The following SMIM31 variants were observed in gnomAD, a reference collection of about 807,000 sequenced individuals.
The protein encoded by SMIM31 is small integral membrane protein 31.
intron 2 of SMIM31, among the ~76,000 whole-genome samples, chr4:164,781,129 T>TACACACACACACAC (rs138037586): frequency 1.0e-3 from 145 of 144,540 alleles, no homozygotes; most frequent in African/African-American, 3.6e-3. Context: ...TACATTTACA[T>TACACACACACACAC]ACACACACAC....
At chr4:164,763,773 G>T (rs1258088317) in intron 1 of SMIM31, among the ~76,000 whole-genome samples, 2 of 152,098 alleles carry the variant, frequency 1.3e-5, no homozygotes, top group Non-Finnish European at 2.9e-5. Context: ...TTAAAAGAAG[G>T]CATAGAATAC....
Position 164,795,409 on chromosome 4 carries a change from T to A in SMIM31, c.113-5682T>A, listed in dbSNP as rs146996443. On this transcript the variant is annotated intron_variant, in intron 2 of 2. Transcript: ENST00000507311. ...CCTGTGTCTATTAAAAATACAAAAA[T>A]TAGCCAGGTGTGGTGGTGGTCGCCT... Among the ~76,000 whole-genome samples, 15 of 151,994 alleles carry A rather than the reference T, an allele frequency of 9.9e-5. No individual in the cohort carries two copies. The East Asian group carries it at 2.9e-3, about 29-fold the overall frequency.
intron 2 of SMIM31, 99 bp downstream of exon 2, chr4:164,770,654 C>T (rs1189281027): frequency 2.5e-5 from 10 of 396,652 alleles, no homozygotes; most frequent in Non-Finnish European, 4.4e-5. Context: ...GGTTTCTATC[C>T]TGTGTGTGAG....
chr4:164,780,039 C>T (rs537311012), intron 2 of SMIM31, among the ~76,000 whole-genome samples: 1 of 152,330 alleles, frequency 6.6e-6, no homozygotes, highest in East Asian at 1.9e-4. Context: ...AGCCACCATG[C>T]TAAACACTGG....
intron 2 of SMIM31, among the ~76,000 whole-genome samples, chr4:164,789,722 C>A (rs1011491631): frequency 2.0e-5 from 3 of 152,178 alleles, no homozygotes; most frequent in African/African-American, 7.2e-5. Flanking sequence ...TGCATTACCA[C>A]AGTGCATTTC....
At chr4:164,800,090 T>C (rs541164447) in intron 2 of SMIM31, among the ~76,000 whole-genome samples, 1 of 152,350 alleles carries the variant, frequency 6.6e-6, no homozygotes, top group South Asian at 2.1e-4. Flanking sequence ...TCTGAGCCTT[T>C]TAATTTAGTA....
At position 164,803,588 on chromosome 4, in the gene SMIM31, A is replaced by G. The variant is rs2110973292; in HGVS notation, c.*2394A>G. 6.6e-6 allele frequency: 1 copy of G among 152,278 alleles called. No homozygotes were observed. The highest frequency in any genetic ancestry group is 2.4e-5 in the African/African-American group (1 of 41,556). The allele number at this position is 152,278 out of a possible 1,614,324, so 9.4% of individuals were successfully genotyped here. A position where few individuals can be genotyped will look rare whatever the true frequency, so the allele number is the denominator to read the frequency against. On this transcript the variant is annotated 3_prime_UTR_variant, in exon 3 of 3. Transcript: ENST00000507311. ...GGTGGGTGGATCACCTGAGGTCAAG[A>G]GTTAGAGACCAGCCTGGCCAAGATG...
intron 2 of SMIM31, among the ~76,000 whole-genome samples, chr4:164,790,455 G>T (rs1308207508): frequency 1.3e-5 from 2 of 152,130 alleles, no homozygotes; most frequent in Non-Finnish European, 2.9e-5. Flanking sequence ...GACATCACAT[G>T]ACACTTATAA....
At chr4:164,778,534 G>T (rs1181295665) in intron 2 of SMIM31, among the ~76,000 whole-genome samples, 1 of 152,098 alleles carries the variant, frequency 6.6e-6, no homozygotes. Context: ...AAGAACTGAC[G>T]ATATCTATAG....
At chr4:164,788,478 CTTTTTTTTTTTTTTTTT>C (rs72177805) in intron 2 of SMIM31, among the ~76,000 whole-genome samples, 1 of 58,162 alleles carries the variant, frequency 1.7e-5, no homozygotes, top group Admixed American at 2.1e-4. Flanking sequence ...TCTAATTTTT[CTTTTTTTTTTTTTTTTT>C]TTTTTTTTTT....
chr4:164,779,394 C>T (rs1732918391), intron 2 of SMIM31, among the ~76,000 whole-genome samples: 1 of 152,194 alleles, frequency 6.6e-6, no homozygotes, highest in Non-Finnish European at 1.5e-5. Context: ...GAATTGGAAG[C>T]TTCTGCTTCT....
At chr4:164,798,123 C>T (rs1229099273) in intron 2 of SMIM31, among the ~76,000 whole-genome samples, 1 of 152,116 alleles carries the variant, frequency 6.6e-6, no homozygotes, top group Non-Finnish European at 1.5e-5. Flanking sequence ...TTTCTTTATC[C>T]AATTATCCAT....
At chr4:164,793,156 A>G (rs1733126553) in intron 2 of SMIM31, among the ~76,000 whole-genome samples, 1 of 152,192 alleles carries the variant, frequency 6.6e-6, no homozygotes, top group Non-Finnish European at 1.5e-5. Context: ...CTGAAGCTAA[A>G]TATTGGGTAC....
chr4:164,764,151 T>C (rs1190494411), intron 1 of SMIM31, among the ~76,000 whole-genome samples: 1 of 152,222 alleles, frequency 6.6e-6, no homozygotes, highest in African/African-American at 2.4e-5. Context: ...GTCAAATAGC[T>C]GTCCAGCCTG....
At chr4:164,760,952 T>G (rs1429027073) in intron 1 of SMIM31, among the ~76,000 whole-genome samples, 3 of 152,264 alleles carry the variant, frequency 2.0e-5, no homozygotes, top group East Asian at 3.9e-4. Flanking sequence ...AGAAATAGTA[T>G]GTACAAGTCC....
At chr4:164,774,159 C>T (rs1156945337) in intron 2 of SMIM31, among the ~76,000 whole-genome samples, 1 of 119,452 alleles carries the variant, frequency 8.4e-6, no homozygotes, top group African/African-American at 2.9e-5. Context: ...GAGCGAGACT[C>T]TGTCTCAAGA....
intron 2 of SMIM31, among the ~76,000 whole-genome samples, chr4:164,777,910 G>A (rs1448427234): frequency 6.6e-6 from 1 of 152,228 alleles, no homozygotes; most frequent in Non-Finnish European, 1.5e-5. Flanking sequence ...TACATATATT[G>A]CTGTTGTCCA....
intron 2 of SMIM31, among the ~76,000 whole-genome samples, chr4:164,776,667 T>G (rs1449980863): frequency 6.6e-6 from 1 of 152,218 alleles, no homozygotes; most frequent in Non-Finnish European, 1.5e-5. Flanking sequence ...TAATGCAGAT[T>G]TGGTCTGTTT....
intron 2 of SMIM31, among the ~76,000 whole-genome samples, chr4:164,789,370 A>G (rs2110956146): frequency 6.6e-6 from 1 of 152,340 alleles, no homozygotes; most frequent in South Asian, 2.1e-4. Flanking sequence ...TAATGTCAAA[A>G]AAGTTTCTCA....
Sources: allele counts gnomAD v4.1 joint callset (sites outside exome capture counted in the v4.1 genomes callset), GRCh38; gene constraint gnomAD v4.1.1; transcripts MANE v1.5; gene names NCBI Gene and HGNC (gene_info 2026-07-23, HGNC 2026-07-21).